ARPP21: variants seen among roughly 807,000 people sequenced by gnomAD.
The protein encoded by ARPP21 is cAMP regulated phosphoprotein 21, also known as cAMP-regulated phosphoprotein 21.
Under a neutral mutation model 113.2 loss-of-function variants are expected in ARPP21, and 69 were observed. The observed-to-expected ratio is 0.61, with a 90% CI of 0.50 to 0.74. The LOEUF (loss-of-function observed/expected upper bound fraction) is 0.74. Among genes scored for constraint, ARPP21 ranks in the 30% least tolerant of loss-of-function variants. ARPP21 has a pLI of 0.00. For synonymous variants in ARPP21, 368 were observed against 375.5 expected (o/e 0.98, Z 0.23); for missense variants, 1,070 against 1,037.4 (o/e 1.03, Z -0.43).
chr3:35,794,184 T>C lies in ARPP21; in HGVS notation c.*226T>C. On this transcript the variant is annotated 3_prime_UTR_variant, in exon 21 of 21. Transcript: ENST00000684406. ...TGCCTTTATAGCTTAGCTAGTGACA[T>C]GAATTCATCAAGGTAAGATTTTCTC... The C allele has an allele frequency of 1.8e-6, 1 of 571,046 alleles. No homozygotes were observed. The highest frequency in any genetic ancestry group is 3.1e-6 in the Non-Finnish European group (1 of 320,444). 35.4% of individuals were successfully genotyped at this position (571,046 alleles called of 1,614,324 possible).
intron 17 of ARPP21, 49 bp downstream of exon 17, chr3:35,738,367 C>T: frequency 1.4e-6 from 2 of 1,439,784 alleles, no homozygotes; most frequent in Non-Finnish European, 1.9e-6. Flanking sequence ...AGCATATTCT[C>T]TGATTTTACT....
chr3:35,679,809 T>C lies in ARPP21; in HGVS notation c.-190T>C, dbSNP rs1004930341. The C allele has an allele frequency of 2.6e-5, 4 of 152,324 alleles. No homozygotes were observed. The highest frequency in any genetic ancestry group is 5.9e-5 in the Non-Finnish European group (4 of 67,894). The allele number at this position is 152,324 out of a possible 1,614,324, so 9.4% of individuals were successfully genotyped here. A position where few individuals can be genotyped will look rare whatever the true frequency, so the allele number is the denominator to read the frequency against. Reference sequence around the variant, plus strand: ...CAGGTTGACGATGTGTCACACTGTGTAAGGGAATCGCATGGAGATGGGCAT... The same window carrying C: ...CAGGTTGACGATGTGTCACACTGTGCAAGGGAATCGCATGGAGATGGGCAT... On this transcript the variant is annotated 5_prime_UTR_variant, in exon 2 of 21. The change abolishes the stop of an existing upstream ORF in the 5' untranslated region. Coordinates refer to ENST00000684406, the MANE Select transcript of ARPP21 (RefSeq NM_001385562.1).
intron 9 of ARPP21, among the ~76,000 whole-genome samples, chr3:35,692,036 A>T (rs970352165): frequency 4.6e-5 from 7 of 151,664 alleles, no homozygotes; most frequent in African/African-American, 1.4e-4. Flanking sequence ...GTCGGGGGAA[A>T]GTCATAGTGA....
chr3:35,731,889 C>T (rs1387819944), intron 15 of ARPP21, among the ~76,000 whole-genome samples: 5 of 152,166 alleles, frequency 3.3e-5, no homozygotes, highest in Non-Finnish European at 7.3e-5. Context: ...TTGAACTGCC[C>T]TTGGGCTCAT....
intron 10 of ARPP21, among the ~76,000 whole-genome samples, chr3:35,707,863 A>T (rs987756404): frequency 5.3e-5 from 8 of 152,100 alleles, no homozygotes; most frequent in Non-Finnish European, 1.2e-4. Flanking sequence ...AAAAAAAAAA[A>T]TTCCATAAAT....
At chr3:35,658,347 G>A (rs907775313) in intron 1 of ARPP21, among the ~76,000 whole-genome samples, 3 of 151,998 alleles carry the variant, frequency 2.0e-5, no homozygotes, top group African/African-American at 7.2e-5. Flanking sequence ...TCGTTGTAGT[G>A]AGGATTAAAA....
intron 11 of ARPP21, among the ~76,000 whole-genome samples, chr3:35,714,466 G>T (rs1477887022): frequency 6.6e-6 from 1 of 152,148 alleles, no homozygotes; most frequent in African/African-American, 2.4e-5. Context: ...AAATTGACCT[G>T]TTAAGTCTCT....
chr3:35,781,019 C>T (rs1315610232), intron 19 of ARPP21, among the ~76,000 whole-genome samples: 1 of 151,942 alleles, frequency 6.6e-6, no homozygotes, highest in Non-Finnish European at 1.5e-5. Flanking sequence ...AGCCTGGTGT[C>T]CTGCTGAGGA....
At chr3:35,646,586 CTTTG>C in intron 1 of ARPP21, among the ~76,000 whole-genome samples, 1 of 152,088 alleles carries the variant, frequency 6.6e-6, no homozygotes, top group South Asian at 2.1e-4. Context: ...ACTTTATTTT[CTTTG>C]TTTAAAGAAA....
At position 35,722,264 on chromosome 3, in the gene ARPP21, T is replaced by C. The variant is rs956651239; in HGVS notation, c.1225+430T>C. Among the ~76,000 whole-genome samples the C allele has an allele frequency of 5.3e-5, 8 of 152,190 alleles. No individual in the cohort carries two copies. In the East Asian group the frequency reaches 7.7e-4, roughly 15 times the overall value. ...GCTGTTCCTTTTAAATTTAGTAATATGAATTATTCCTTAAAAACACGCCGT... is the reference window on the plus strand; with the variant it reads ...GCTGTTCCTTTTAAATTTAGTAATACGAATTATTCCTTAAAAACACGCCGT... On this transcript the variant is annotated intron_variant, in intron 14 of 20. Coordinates refer to ENST00000684406, the MANE Select transcript of ARPP21 (RefSeq NM_001385562.1).
chr3:35,729,562 G>A (rs1477011798), intron 15 of ARPP21, 26 bp downstream of exon 15: 1 of 1,555,100 alleles, frequency 6.4e-7, no homozygotes, highest in Admixed American at 1.7e-5. Flanking sequence ...CTTTATCAGG[G>A]ACACAAGGCT....
At chr3:35,702,761 G>A (rs975102784) in intron 9 of ARPP21, among the ~76,000 whole-genome samples, 1 of 151,802 alleles carries the variant, frequency 6.6e-6, no homozygotes, top group Non-Finnish European at 1.5e-5. Context: ...AAAAGAAAAT[G>A]AGGTGGTATA....
At chr3:35,734,907 A>G (rs1431238173) in intron 15 of ARPP21, among the ~76,000 whole-genome samples, 1 of 152,230 alleles carries the variant, frequency 6.6e-6, no homozygotes, top group African/African-American at 2.4e-5. Context: ...TTCACTCAGA[A>G]TGAGACCTAG....
Position 35,739,559 on chromosome 3 carries a change from A to G in ARPP21, c.1992A>G (p.Gln664=). ...QPPPSPQGFV[Q]QPPPAQMPVY... The stretch of plus-strand genomic sequence containing the variant: ...CTCCCTCACCACAGGGATTTGTGCA[A>G]CAGCCTCCGCCTGCACAGGTAGGTG... The change falls in exon 18 of 21, where the codon CAA becomes CAG. Residue 664 remains glutamine (Q), a synonymous_variant. Transcript: ENST00000684406. 2 of 1,613,332 alleles carry G rather than the reference A, an allele frequency of 1.2e-6. No homozygotes were observed. Among genetic ancestry groups the G allele is most frequent in the Non-Finnish European group, 1.7e-6 (2 of 1,179,544 alleles).
At chr3:35,727,582 G>C (rs1321475562) in intron 14 of ARPP21, among the ~76,000 whole-genome samples, 2 of 152,172 alleles carry the variant, frequency 1.3e-5, no homozygotes, top group East Asian at 1.9e-4. Flanking sequence ...CTTGAAAAGA[G>C]TGTTAGTGAT....
chr3:35,739,213 T>A (rs1385506997), intron 17 of ARPP21, 104 bp from the exon 18 acceptor site: 13 of 1,335,556 alleles, frequency 9.7e-6, no homozygotes, highest in Middle Eastern at 2.0e-4. Flanking sequence ...GTACTTCCTG[T>A]CTCTCCCACA....
At chr3:35,713,568 A>AT (rs2091789157) in intron 11 of ARPP21, among the ~76,000 whole-genome samples, 1 of 151,998 alleles carries the variant, frequency 6.6e-6, no homozygotes, top group Non-Finnish European at 1.5e-5. Context: ...TAATTTTTGT[A>AT]TTTTTTGTAA....
chr3:35,763,718 G>A (rs939198373), intron 19 of ARPP21, among the ~76,000 whole-genome samples: 2 of 152,152 alleles, frequency 1.3e-5, no homozygotes, highest in Admixed American at 1.3e-4. Flanking sequence ...CAGTTTAGAT[G>A]TCTGGGTAGG....
chr3:35,743,885 C>A lies in ARPP21; in HGVS notation c.2057C>A (p.Thr686Lys), dbSNP rs139862817. 1.9e-6 allele frequency: 3 copies of A among 1,614,062 alleles called. No individual in the cohort carries two copies. The highest frequency in any genetic ancestry group is 3.3e-4 in the Middle Eastern group (2 of 6,062). ...TCTGGTCAGTACCCTACCTCAACCA[C>A]GCAACAGTACCGGCCCATGGCCCCG... ...YPSGQYPTST[T>K]QQYRPMAPVQ... Residue 686 changes from threonine to lysine, a missense_variant, in exon 19 of 21, where the codon ACG (threonine) becomes AAG (lysine). By Grantham distance (78) the Thr-to-Lys change is moderately conservative (BLOSUM62 -1). Coordinates refer to ENST00000684406, the MANE Select transcript of ARPP21 (RefSeq NM_001385562.1).
Sources: gnomAD v4.1 joint callset for allele counts (sites outside exome capture counted in the v4.1 genomes callset) on GRCh38, gnomAD v4.1.1 for gene constraint, MANE v1.5 for transcripts, NCBI Gene and HGNC (gene_info 2026-07-23, HGNC 2026-07-21) for gene names.